Variants in LRRK2 observed in about 807,000 individuals in gnomAD.
The protein encoded by LRRK2 is leucine rich repeat kinase 2, also known as leucine-rich repeat serine/threonine-protein kinase 2.
Under a neutral mutation model 302.6 loss-of-function variants are expected in LRRK2, and 203 were observed. The observed-to-expected ratio is 0.67, with a 90% CI of 0.60 to 0.75. The LOEUF (loss-of-function observed/expected upper bound fraction) is 0.75. Ranked by LOEUF, LRRK2 falls within the 30% of genes least tolerant of loss-of-function variation. The pLI, the probability that LRRK2 is intolerant of heterozygous loss-of-function variation, is 0.00. For missense variants in LRRK2, 2,830 were observed against 2,951.0 expected, an observed-to-expected ratio of 0.96 and a Z score of 0.95; for synonymous variants, 1,066 against 1,031.9, an observed-to-expected ratio of 1.03 and a Z score of -0.63.
intron 6 of LRRK2, among the ~76,000 whole-genome samples, chr12:40,242,905 A>T (rs1941802171): frequency 6.8e-6 from 1 of 147,488 alleles, no homozygotes; most frequent in Non-Finnish European, 1.5e-5. Context: ...GATGGTTGTG[A>T]TAATGATGAA....
At chr12:40,328,919 C>T (rs972810677) in intron 39 of LRRK2, among the ~76,000 whole-genome samples, 17 of 152,200 alleles carry the variant, frequency 1.1e-4, no homozygotes, top group Admixed American at 1.0e-3. Flanking sequence ...AAGCTCCTGA[C>T]TTCGCCTTCT....
At chr12:40,237,900 A>G in intron 4 of LRRK2, 69 bp from the exon 5 acceptor site, 2 of 1,493,032 alleles carry the variant, frequency 1.3e-6, no homozygotes, top group Non-Finnish European at 1.8e-6. Context: ...AAATTAATTC[A>G]TGTAAAAATT....
chr12:40,334,084 CT>C (rs1945796249), intron 39 of LRRK2, among the ~76,000 whole-genome samples: 1 of 152,070 alleles, frequency 6.6e-6, no homozygotes, highest in Non-Finnish European at 1.5e-5. Context: ...GAGCATTATC[CT>C]CGGTAAACTT....
At chr12:40,226,092 A>C (rs1940863774) in intron 2 of LRRK2, among the ~76,000 whole-genome samples, 1 of 152,236 alleles carries the variant, frequency 6.6e-6, no homozygotes, top group African/African-American at 2.4e-5. Flanking sequence ...AGAGTTCAGC[A>C]CTTTTTAAAA....
chr12:40,225,088 G>A lies in LRRK2; in HGVS notation c.-44G>A, dbSNP rs765232448. ...GCCCCTGCCGGTTCCCTGAGCAGCG[G>A]ACGTTCATGCTGGGAGGGCGGCGGG... is the stretch of plus-strand genomic sequence containing the variant. On this transcript the variant is annotated 5_prime_UTR_variant, in exon 1 of 51. Coordinates refer to ENST00000298910, the MANE Select transcript of LRRK2 (RefSeq NM_198578.4). 62 of 1,611,566 alleles carry A rather than the reference G, an allele frequency of 3.8e-5. No individual in the cohort carries two copies. The East Asian group carries it at 1.4e-3, about 36-fold the overall frequency.
chr12:40,365,793 G>A (rs17444223), intron 49 of LRRK2: 28,375 of 151,816 alleles, frequency 0.19, 2,712 homozygotes, highest in Middle Eastern at 0.29. Context: ...ATATGTGAAA[G>A]AGGAACATGT....
chr12:40,327,711 G>C (rs765502735), intron 38 of LRRK2, among the ~76,000 whole-genome samples: 1 of 152,074 alleles, frequency 6.6e-6, no homozygotes, highest in Non-Finnish European at 1.5e-5. Flanking sequence ...AAGGAACTCA[G>C]AAGGCCTCCT....
At chr12:40,293,500 GC>G (rs1193827028) in intron 20 of LRRK2, 44 bp from the exon 21 acceptor site, 3 of 1,233,774 alleles carry the variant, frequency 2.4e-6, no homozygotes, top group Non-Finnish European at 3.5e-6. Flanking sequence ...GATTGAGTAA[GC>G]TTTTTGTATT....
intron 20 of LRRK2, among the ~76,000 whole-genome samples, chr12:40,291,466 G>A (rs1944157345): frequency 6.7e-6 from 1 of 149,820 alleles, no homozygotes; most frequent in Non-Finnish European, 1.5e-5. Flanking sequence ...AATTTCCTTT[G>A]TGACTTCTTT....
At chr12:40,320,274 A>G in intron 34 of LRRK2, 99 bp downstream of exon 34, 1 of 978,618 alleles carries the variant, frequency 1.0e-6, no homozygotes, top group Non-Finnish European at 1.5e-6. Context: ...GTATTAAATA[A>G]ATAAATATAT....
intron 11 of LRRK2, among the ~76,000 whole-genome samples, chr12:40,254,216 A>G (rs905726510): frequency 3.9e-5 from 6 of 152,232 alleles, no homozygotes; most frequent in Admixed American, 1.3e-4. Context: ...AGTCAGAGAC[A>G]GAGACCAGTG....
intron 40 of LRRK2, among the ~76,000 whole-genome samples, chr12:40,338,809 A>G (rs1455793054): frequency 6.6e-6 from 1 of 152,176 alleles, no homozygotes; most frequent in Non-Finnish European, 1.5e-5. Flanking sequence ...CTATTCAATG[A>G]TGTATGACTT....
intron 7 of LRRK2, among the ~76,000 whole-genome samples, chr12:40,244,435 A>G (rs1297102472): frequency 6.6e-6 from 1 of 152,060 alleles, no homozygotes; most frequent in East Asian, 1.9e-4. Context: ...ATTCTTTCTT[A>G]TTTTATGCTA....
chr12:40,243,788 G>GTC, intron 7 of LRRK2, 107 bp downstream of exon 7: 1 of 1,079,566 alleles, frequency 9.3e-7, no homozygotes. Flanking sequence ...GACATACTTT[G>GTC]AATGAAAATA....
chr12:40,257,384 T>C lies in LRRK2; in HGVS notation c.1418+7T>C. 1 of 1,611,688 alleles carries C rather than the reference T, an allele frequency of 6.2e-7. No homozygotes were observed. On this transcript the variant is annotated splice_region_variant and intron_variant, in intron 12 of 50. Transcript: ENST00000298910. The stretch of plus-strand genomic sequence containing the variant: ...ATCATCTTTTTGAAGGAAGGTAATA[T>C]AGATTCATTAACTTGTACAGAATAT...
chr12:40,359,919 C>A (rs1382552501), intron 47 of LRRK2, among the ~76,000 whole-genome samples: 1 of 151,988 alleles, frequency 6.6e-6, no homozygotes, highest in Non-Finnish European at 1.5e-5. Context: ...CTACTCACAG[C>A]CAAGTTAGTG....
chr12:40,337,569 G>C (rs1464605557), intron 40 of LRRK2, among the ~76,000 whole-genome samples: 1 of 152,098 alleles, frequency 6.6e-6, no homozygotes, highest in African/African-American at 2.4e-5. Context: ...GTATGCATTT[G>C]TCCACCAGGT....
chr12:40,298,160 A>G (rs1944453752), intron 23 of LRRK2, 83 bp from the exon 24 acceptor site: 1 of 1,405,360 alleles, frequency 7.1e-7, no homozygotes. Flanking sequence ...TCTAGTTACC[A>G]GAGGTGTGTA....
chr12:40,346,695 C>T, intron 41 of LRRK2, 58 bp from the exon 42 acceptor site: 6 of 1,528,330 alleles, frequency 3.9e-6, no homozygotes, highest in Middle Eastern at 1.7e-4. Flanking sequence ...TGTATGCCTC[C>T]TTGGATGTAT....
Sources: allele counts gnomAD v4.1 joint callset (sites outside exome capture counted in the v4.1 genomes callset), GRCh38; gene constraint gnomAD v4.1.1; transcripts MANE v1.5; gene names NCBI Gene and HGNC (gene_info 2026-07-23, HGNC 2026-07-21).